DNER: variants seen among roughly 807,000 people sequenced by gnomAD.
The protein encoded by DNER is delta and Notch-like epidermal growth factor-related receptor.
Under a neutral mutation model 78.2 loss-of-function variants are expected in DNER, and 33 were observed. That is an observed-to-expected ratio of 0.42 (90% CI 0.32 to 0.56). DNER has a LOEUF of 0.56. Among genes scored for constraint, DNER ranks in the 20% least tolerant of loss-of-function variants. DNER has a pLI of 0.11. For missense variants in DNER, 918 were observed against 975.3 expected (o/e 0.94, Z 0.78); for synonymous variants, 417 against 384.8 (o/e 1.08, Z -0.98).
At chr2:229,479,892 G>C (rs1395562286) in intron 6 of DNER, among the ~76,000 whole-genome samples, 2 of 152,136 alleles carry the variant, frequency 1.3e-5, no homozygotes, top group South Asian at 2.1e-4. Flanking sequence ...AAAGATAACC[G>C]ATTACAAGTG....
chr2:229,590,858 A>T (rs1697590271), intron 2 of DNER, among the ~76,000 whole-genome samples: 1 of 152,116 alleles, frequency 6.6e-6, no homozygotes, highest in African/African-American at 2.4e-5. Flanking sequence ...CTGGTAGGAG[A>T]TGTTTGGGCC....
intron 1 of DNER, among the ~76,000 whole-genome samples, chr2:229,624,354 A>G (rs577197642): frequency 6.6e-6 from 1 of 152,340 alleles, no homozygotes; most frequent in African/African-American, 2.4e-5. Flanking sequence ...TCTCTCATTA[A>G]CAGACAGGAA....
chr2:229,533,725 A>T (rs913774144), intron 5 of DNER, among the ~76,000 whole-genome samples: 3 of 152,220 alleles, frequency 2.0e-5, no homozygotes, highest in African/African-American at 7.2e-5. Context: ...AAAATGACCA[A>T]AAGACAAACT....
chr2:229,667,550 T>A (rs561297077), intron 1 of DNER, among the ~76,000 whole-genome samples: 13 of 152,264 alleles, frequency 8.5e-5, no homozygotes, highest in Non-Finnish European at 1.5e-5. Flanking sequence ...ACCACTAGTC[T>A]TTTTGTTCTT....
intron 1 of DNER, among the ~76,000 whole-genome samples, chr2:229,593,080 GC>G (rs1168139762): frequency 1.3e-5 from 2 of 152,132 alleles, no homozygotes; most frequent in African/African-American, 4.8e-5. Flanking sequence ...CTATCACTTG[GC>G]AATTCCCTCA....
chr2:229,684,145 T>TGAGAGAGA (rs67820927), intron 1 of DNER, among the ~76,000 whole-genome samples: 98 of 123,036 alleles, frequency 8.0e-4, no homozygotes, highest in African/African-American at 3.0e-3. Flanking sequence ...TCTGTGTATG[T>TGAGAGAGA]GAGAGAGAGA....
At chr2:229,432,065 T>G (rs952432011) in intron 8 of DNER, among the ~76,000 whole-genome samples, 3 of 152,196 alleles carry the variant, frequency 2.0e-5, no homozygotes, top group Non-Finnish European at 2.9e-5. Flanking sequence ...AATACCATGA[T>G]TAAAGCACCA....
chr2:229,589,001 C>T (rs549078312), intron 2 of DNER, among the ~76,000 whole-genome samples: 11 of 152,206 alleles, frequency 7.2e-5, no homozygotes, highest in Non-Finnish European at 1.2e-4. Context: ...GGAGCTTGAA[C>T]GCTGCCTTTC....
chr2:229,665,086 C>T (rs866386155), intron 1 of DNER, among the ~76,000 whole-genome samples: 2 of 152,252 alleles, frequency 1.3e-5, no homozygotes, highest in Middle Eastern at 3.4e-3. Context: ...ATATAAACTT[C>T]ATTAGGGCTA....
intron 4 of DNER, among the ~76,000 whole-genome samples, chr2:229,554,892 GAA>G (rs1696822223): frequency 3.4e-5 from 3 of 87,562 alleles, no homozygotes; most frequent in African/African-American, 1.4e-4. Flanking sequence ...GAAGAGAAGA[GAA>G]GAGAAGAGAA....
intron 11 of DNER, among the ~76,000 whole-genome samples, chr2:229,368,754 G>A (rs769365396): frequency 1.3e-5 from 2 of 152,140 alleles, no homozygotes; most frequent in Non-Finnish European, 2.9e-5. Context: ...TTACAAAGGA[G>A]GCCTAGAGAA....
chr2:229,633,339 CACTT>C (rs1356113939), intron 1 of DNER, among the ~76,000 whole-genome samples: 1 of 152,178 alleles, frequency 6.6e-6, no homozygotes, highest in African/African-American at 2.4e-5. Context: ...TCACCTATCA[CACTT>C]ACAACTTTGT....
intron 6 of DNER, among the ~76,000 whole-genome samples, chr2:229,505,848 T>A (rs1446130029): frequency 1.3e-5 from 2 of 152,226 alleles, no homozygotes; most frequent in African/African-American, 4.8e-5. Flanking sequence ...TCTAATTTCA[T>A]ATTATTTCAT....
intron 1 of DNER, among the ~76,000 whole-genome samples, chr2:229,652,986 C>T (rs537947736): frequency 6.6e-6 from 1 of 152,092 alleles, no homozygotes; most frequent in Non-Finnish European, 1.5e-5. Flanking sequence ...TCTTTCTTCT[C>T]CCCGGAATTT....
intron 1 of DNER, among the ~76,000 whole-genome samples, chr2:229,705,756 C>A (rs1362593276): frequency 2.6e-5 from 4 of 152,218 alleles, no homozygotes; most frequent in Admixed American, 6.5e-5. Flanking sequence ...AGGGCCAGTT[C>A]TGTGCCAGAG....
At chr2:229,597,501 T>C (rs1052716737) in intron 1 of DNER, among the ~76,000 whole-genome samples, 1 of 152,212 alleles carries the variant, frequency 6.6e-6, no homozygotes, top group Non-Finnish European at 1.5e-5. Context: ...AAATCTGAAC[T>C]ATAAGCAGGT....
intron 7 of DNER, among the ~76,000 whole-genome samples, chr2:229,469,374 G>A (rs1482094981): frequency 6.6e-6 from 1 of 152,172 alleles, no homozygotes; most frequent in African/African-American, 2.4e-5. Flanking sequence ...GTCTTGTACA[G>A]CTGTTGTGCA....
Position 229,514,716 on chromosome 2 carries a change from A to G in DNER, c.994-1780T>C, listed in dbSNP as rs562178205. Among the ~76,000 whole-genome samples the G allele has an allele frequency of 2.0e-5, 3 of 152,266 alleles. No individual in the cohort carries two copies. In the South Asian group the frequency reaches 6.2e-4, roughly 32 times the overall value. ...TCTTTCCCCAACAGATTTCTTTTCTAAGAAAAAGCTGTCCCTTGCACATGA... is the reference window on the plus strand; with the variant it reads ...TCTTTCCCCAACAGATTTCTTTTCTGAGAAAAAGCTGTCCCTTGCACATGA... On this transcript the variant is annotated intron_variant, in intron 5 of 12. Coordinates refer to ENST00000341772, the MANE Select transcript of DNER (RefSeq NM_139072.4).
intron 1 of DNER, among the ~76,000 whole-genome samples, chr2:229,687,266 T>C (rs1276367417): frequency 6.7e-6 from 1 of 148,382 alleles, no homozygotes; most frequent in African/African-American, 2.5e-5. Context: ...CCAACTTCTT[T>C]TTTTTTTTTT....
Sources: allele counts gnomAD v4.1 joint callset (sites outside exome capture counted in the v4.1 genomes callset), GRCh38; gene constraint gnomAD v4.1.1; transcripts MANE v1.5; gene names NCBI Gene and HGNC (gene_info 2026-07-23, HGNC 2026-07-21).